Variants in MBNL1 observed in about 807,000 individuals in gnomAD.
The protein encoded by MBNL1 is muscleblind-like protein 1.
MBNL1 carries 8 observed loss-of-function variants against 42.2 expected under a neutral mutation model. That is an observed-to-expected ratio of 0.19 (90% CI 0.11 to 0.34). MBNL1 has a LOEUF of 0.34. Ranked by LOEUF, MBNL1 falls within the 10% of genes least tolerant of loss-of-function variation. The pLI is 1.00. For synonymous variants in MBNL1, 169 were observed against 173.9 expected, an observed-to-expected ratio of 0.97 and a Z score of 0.22; for missense variants, 309 against 495.3, an observed-to-expected ratio of 0.62 and a Z score of 3.57.
chr3:152,399,862 C>G (rs1195228547), intron 2 of MBNL1, among the ~76,000 whole-genome samples: 1 of 152,102 alleles, frequency 6.6e-6, no homozygotes, highest in Non-Finnish European at 1.5e-5. Flanking sequence ...TTTTCATTTT[C>G]CATCTCTATT....
intron 2 of MBNL1, among the ~76,000 whole-genome samples, chr3:152,252,171 CCT>C (rs2034700652): frequency 6.8e-6 from 1 of 146,202 alleles, no homozygotes; most frequent in African/African-American, 2.5e-5. Flanking sequence ...TTCCTTCCTT[CCT>C]TCCTTCCCTC....
chr3:152,306,923 A>C (rs1016933440), intron 2 of MBNL1, among the ~76,000 whole-genome samples: 10 of 152,168 alleles, frequency 6.6e-5, no homozygotes, highest in Admixed American at 6.5e-4. Flanking sequence ...GCATATCACA[A>C]ATGGATTTAT....
intron 2 of MBNL1, among the ~76,000 whole-genome samples, chr3:152,322,391 T>C (rs1396086522): frequency 6.6e-6 from 1 of 152,098 alleles, no homozygotes; most frequent in East Asian, 1.9e-4. Context: ...ATTATAGTCA[T>C]TACAGTTGTA....
intron 2 of MBNL1, among the ~76,000 whole-genome samples, chr3:152,256,522 C>T (rs2035466540): frequency 6.6e-6 from 1 of 152,104 alleles, no homozygotes; most frequent in Non-Finnish European, 1.5e-5. Context: ...ACCCGCTCCC[C>T]TTAAAAGTAG....
intron 2 of MBNL1, among the ~76,000 whole-genome samples, chr3:152,408,103 A>G (rs370963423): frequency 6.6e-5 from 10 of 152,274 alleles, no homozygotes; most frequent in Admixed American, 2.0e-4. Flanking sequence ...ATGTTTTCCT[A>G]TGTAACAAAC....
chr3:152,314,591 T>C (rs2069412896), intron 2 of MBNL1, among the ~76,000 whole-genome samples: 1 of 152,170 alleles, frequency 6.6e-6, no homozygotes, highest in Non-Finnish European at 1.5e-5. Context: ...GTCAGGCTGG[T>C]CTTGAACTTC....
intron 2 of MBNL1, among the ~76,000 whole-genome samples, chr3:152,245,911 A>G (rs1386129770): frequency 6.6e-6 from 1 of 152,158 alleles, no homozygotes; most frequent in African/African-American, 2.4e-5. Context: ...CTTCATCTTT[A>G]TCACACACTA....
At chr3:152,310,698 A>G (rs1369157282) in intron 2 of MBNL1, among the ~76,000 whole-genome samples, 1 of 152,150 alleles carries the variant, frequency 6.6e-6, no homozygotes, top group Non-Finnish European at 1.5e-5. Flanking sequence ...GGTGTGGGAA[A>G]TTTATATTAA....
At chr3:152,411,308 T>A (rs1290504916) in intron 2 of MBNL1, among the ~76,000 whole-genome samples, 1 of 152,110 alleles carries the variant, frequency 6.6e-6, no homozygotes, top group African/African-American at 2.4e-5. Flanking sequence ...GATCATGAGG[T>A]CAGGAGATCG....
intron 2 of MBNL1, among the ~76,000 whole-genome samples, chr3:152,406,102 G>C (rs2098420737): frequency 6.6e-6 from 1 of 152,156 alleles, no homozygotes. Context: ...AGGTCATAGA[G>C]ACTCTGGTTT....
intron 1 of MBNL1, among the ~76,000 whole-genome samples, chr3:152,276,154 T>C (rs1335382944): frequency 6.6e-6 from 1 of 152,178 alleles, no homozygotes; most frequent in Non-Finnish European, 1.5e-5. Context: ...TTTTTATTAT[T>C]CCAATGTTCA....
intron 2 of MBNL1, among the ~76,000 whole-genome samples, chr3:152,251,249 T>A (rs1355945641): frequency 6.6e-6 from 1 of 152,122 alleles, no homozygotes. Context: ...CACACTTAGT[T>A]GTCTTGTCTT....
chr3:152,405,961 A>G (rs948561278), intron 2 of MBNL1, among the ~76,000 whole-genome samples: 1 of 152,176 alleles, frequency 6.6e-6, no homozygotes, highest in Non-Finnish European at 1.5e-5. Flanking sequence ...AAAAATAATG[A>G]AGCAATTTAA....
intron 3 of MBNL1, 86 bp downstream of exon 3, chr3:152,415,197 A>G: frequency 7.9e-7 from 1 of 1,261,046 alleles, no homozygotes; most frequent in South Asian, 1.9e-5. Context: ...CACCGGATCA[A>G]ATGAACACAG....
Position 152,434,610 on chromosome 3 carries a change from T to C in MBNL1, c.549+1690T>C, listed in dbSNP as rs570166402. Among the ~76,000 whole-genome samples the C allele has an allele frequency of 7.9e-5, 12 of 152,320 alleles. No individual in the cohort carries two copies. The East Asian group carries it at 2.1e-3, about 27-fold the overall frequency. ...GAATGGTATTTCTGTTTTTAGGTCT[T>C]TGAGGAATTGCCACACTGTGTTCCA... On this transcript the variant is annotated intron_variant, in intron 4 of 9. Coordinates refer to ENST00000324210, the MANE Select transcript of MBNL1 (RefSeq NM_021038.5).
At chr3:152,341,740 G>T (rs558331608) in intron 2 of MBNL1, among the ~76,000 whole-genome samples, 1 of 152,254 alleles carries the variant, frequency 6.6e-6, no homozygotes, top group East Asian at 1.9e-4. Context: ...AGCCTCATTA[G>T]GCATATCCAT....
chr3:152,448,226 G>A lies in MBNL1; in HGVS notation c.961+453G>A, dbSNP rs531443082. Reference sequence around the variant, plus strand: ...AGGTCAAGAATGAAAACAACTATGCGTTCTAGAGCTCTTAAAAAGGGCTCT... The same window carrying A: ...AGGTCAAGAATGAAAACAACTATGCATTCTAGAGCTCTTAAAAAGGGCTCT... On this transcript the variant is annotated intron_variant, in intron 6 of 9. Coordinates refer to ENST00000324210, the MANE Select transcript of MBNL1 (RefSeq NM_021038.5). Among the ~76,000 whole-genome samples the A allele has an allele frequency of 2.7e-4, 41 of 152,076 alleles. No homozygotes were observed. The South Asian group carries it at 6.6e-3, about 25-fold the overall frequency.
chr3:152,284,206 A>G (rs1302662806), intron 1 of MBNL1, among the ~76,000 whole-genome samples: 1 of 152,106 alleles, frequency 6.6e-6, no homozygotes, highest in East Asian at 1.9e-4. Context: ...TTGAAGGAAA[A>G]CATTTCTTTT....
At chr3:152,283,763 A>G (rs2049925847) in intron 1 of MBNL1, among the ~76,000 whole-genome samples, 1 of 152,194 alleles carries the variant, frequency 6.6e-6, no homozygotes, top group South Asian at 2.1e-4. Flanking sequence ...CATACAGACC[A>G]GTTCTTCCAG....
Sources: allele counts gnomAD v4.1 joint callset (sites outside exome capture counted in the v4.1 genomes callset), GRCh38; gene constraint gnomAD v4.1.1; transcripts MANE v1.5; gene names NCBI Gene and HGNC (gene_info 2026-07-23, HGNC 2026-07-21).